The following MAPK10 variants were observed in gnomAD, a reference collection of about 807,000 sequenced individuals.
The protein encoded by MAPK10 is mitogen-activated protein kinase 10.
Under a neutral mutation model 59.3 loss-of-function variants are expected in MAPK10, and 25 were observed. That is an observed-to-expected ratio of 0.42 (90% CI 0.31 to 0.59). The LOEUF (loss-of-function observed/expected upper bound fraction) is 0.59, where lower values mean the gene tolerates loss of function less well. Ranked by LOEUF, MAPK10 falls within the 20% of genes least tolerant of loss-of-function variation. MAPK10 has a pLI of 0.15. For missense variants in MAPK10, 351 were observed against 568.9 expected (o/e 0.62, Z 3.90); for synonymous variants, 190 against 200.5 (o/e 0.95, Z 0.44).
At chr4:86,102,609 C>A (rs1358507622) in intron 6 of MAPK10, 1 of 153,370 alleles carries the variant, frequency 6.5e-6, no homozygotes, top group Non-Finnish European at 1.5e-5. Context: ...CAACCTCCGT[C>A]TCCCGGGTTC....
At chr4:86,337,801 G>T (rs1055995966) in intron 2 of MAPK10, among the ~76,000 whole-genome samples, 10 of 152,100 alleles carry the variant, frequency 6.6e-5, no homozygotes, top group Non-Finnish European at 1.2e-4. Flanking sequence ...AGCACTCAAG[G>T]CTCCATTGAT....
chr4:86,574,538 C>G (rs1174404363), intron 1 of MAPK10, among the ~76,000 whole-genome samples: 2 of 152,048 alleles, frequency 1.3e-5, no homozygotes, highest in African/African-American at 4.8e-5. Flanking sequence ...TAAAAGTGTT[C>G]CTATTTCTCC....
At chr4:86,473,577 G>A (rs1283325286) in intron 1 of MAPK10, among the ~76,000 whole-genome samples, 3 of 152,080 alleles carry the variant, frequency 2.0e-5, no homozygotes, top group African/African-American at 7.2e-5. Flanking sequence ...TCACATAGAG[G>A]CCCAAACACT....
chr4:86,022,019 T>C (rs967348716), intron 13 of MAPK10, among the ~76,000 whole-genome samples: 5 of 151,928 alleles, frequency 3.3e-5, no homozygotes, highest in Non-Finnish European at 5.9e-5. Flanking sequence ...GCTGAGGGAG[T>C]GGGCTCCAGC....
chr4:86,426,379 G>A (rs1564846520), intron 1 of MAPK10, among the ~76,000 whole-genome samples: 1 of 152,136 alleles, frequency 6.6e-6, no homozygotes, highest in Non-Finnish European at 1.5e-5. Context: ...CTAAGATGCT[G>A]TTTTCTACTT....
chr4:86,101,753 T>C, intron 7 of MAPK10, 141 bp downstream of exon 7: 2 of 789,188 alleles, frequency 2.5e-6, no homozygotes, highest in Non-Finnish European at 2.0e-6. Flanking sequence ...CTACAATTAG[T>C]GAACTAGGTG....
At chr4:86,477,517 T>C (rs774689796) in intron 1 of MAPK10, among the ~76,000 whole-genome samples, 2 of 152,120 alleles carry the variant, frequency 1.3e-5, no homozygotes, top group Non-Finnish European at 2.9e-5. Flanking sequence ...TGGTGACCGA[T>C]CATGTACCCC....
At chr4:86,237,467 C>T (rs1262091268) in intron 2 of MAPK10, among the ~76,000 whole-genome samples, 6 of 152,154 alleles carry the variant, frequency 3.9e-5, no homozygotes, top group Admixed American at 6.5e-5. Flanking sequence ...TTTACATTCC[C>T]ACCAACAGTA....
At chr4:86,556,037 C>T (rs1760242222) in intron 1 of MAPK10, among the ~76,000 whole-genome samples, 1 of 152,166 alleles carries the variant, frequency 6.6e-6, no homozygotes, top group South Asian at 2.1e-4. Context: ...TGAGCCATAA[C>T]ATTTTACAGT....
rs1472893449 is a variant in MAPK10 at position 86,580,095 on chromosome 4, C to T, written c.-263+13815G>A. 2.6e-5 allele frequency among the ~76,000 whole-genome samples: 4 copies of T among 152,222 alleles called. No individual in the cohort carries two copies. The South Asian group carries it at 6.2e-4, about 24-fold the overall frequency. On this transcript the variant is annotated intron_variant, in intron 1 of 4. Coordinates refer to the MAPK10 transcript ENST00000502302. ...GTGCTGGGATTACCAGTGTGAGACA[C>T]CGTCCGTGGCCTGTTTTTATGAGTT...
intron 4 of MAPK10, among the ~76,000 whole-genome samples, chr4:86,135,920 G>T (rs2061967825): frequency 2.6e-5 from 4 of 152,156 alleles, no homozygotes; most frequent in Non-Finnish European, 5.9e-5. Context: ...CGATCAACTG[G>T]AAGAAAGGGT....
chr4:86,213,469 G>A (rs575367953), intron 2 of MAPK10, among the ~76,000 whole-genome samples: 5 of 152,128 alleles, frequency 3.3e-5, no homozygotes, highest in African/African-American at 1.2e-4. Context: ...GATTTAGTAA[G>A]ATAAAGAAGA....
chr4:86,510,602 T>C (rs2149083330), intron 1 of MAPK10, among the ~76,000 whole-genome samples: 1 of 152,130 alleles, frequency 6.6e-6, no homozygotes, highest in South Asian at 2.1e-4. Context: ...TATGCATGTA[T>C]ATAAATATAC....
intron 1 of MAPK10, among the ~76,000 whole-genome samples, chr4:86,576,462 T>A (rs553353556): frequency 9.2e-5 from 14 of 152,234 alleles, no homozygotes; most frequent in Middle Eastern, 3.4e-3. Flanking sequence ...GAATTTCCAG[T>A]GCCCAGCATG....
chr4:86,183,260 G>A (rs2077330706), intron 3 of MAPK10, among the ~76,000 whole-genome samples: 3 of 151,788 alleles, frequency 2.0e-5, no homozygotes, highest in Admixed American at 1.3e-4. Context: ...TTTAACATTA[G>A]GTATATTTCC....
chr4:86,575,294 T>A (rs971531856), intron 1 of MAPK10, among the ~76,000 whole-genome samples: 1 of 152,176 alleles, frequency 6.6e-6, no homozygotes, highest in African/African-American at 2.4e-5. Flanking sequence ...TCAGCCTCCA[T>A]AATCATGTCA....
At chr4:86,423,749 G>A (rs1351574168) in intron 1 of MAPK10, among the ~76,000 whole-genome samples, 2 of 119,716 alleles carry the variant, frequency 1.7e-5, no homozygotes, top group South Asian at 5.5e-4. Context: ...CTGCATATAA[G>A]TAATTAGTGG....
chr4:86,286,722 C>A (rs2148812429), intron 2 of MAPK10, among the ~76,000 whole-genome samples: 1 of 152,230 alleles, frequency 6.6e-6, no homozygotes, highest in African/African-American at 2.4e-5. Flanking sequence ...GGGCAGTGTG[C>A]AATCCTCAAG....
chr4:86,484,087 A>G (rs1753800479), intron 1 of MAPK10, among the ~76,000 whole-genome samples: 1 of 152,144 alleles, frequency 6.6e-6, no homozygotes, highest in Non-Finnish European at 1.5e-5. Context: ...GGGAGGAAGC[A>G]AGTAATGGAG....
Sources: allele counts gnomAD v4.1 joint callset (sites outside exome capture counted in the v4.1 genomes callset), GRCh38; gene constraint gnomAD v4.1.1; transcripts MANE v1.5; gene names NCBI Gene and HGNC (gene_info 2026-07-23, HGNC 2026-07-21).